The following PGAP6 variants were observed in gnomAD, a reference collection of about 807,000 sequenced individuals.
PGAP6 encodes the protein post-GPI attachment to proteins 6, also known as post-GPI attachment to proteins factor 6.
Under a neutral mutation model 68.4 loss-of-function variants are expected in PGAP6, and 62 were observed. The observed-to-expected ratio is 0.91, with a 90% confidence interval of 0.74 to 1.12. The LOEUF (loss-of-function observed/expected upper bound fraction) is 1.12, where lower values mean the gene tolerates loss of function less well. Ranked by LOEUF, PGAP6 falls within the 50% of genes most tolerant of loss-of-function variation. PGAP6 has a pLI of 0.00. For synonymous variants in PGAP6, 575 were observed against 474.0 expected (o/e 1.21, Z -2.77); for missense variants, 1,188 against 1,068.5 (o/e 1.11, Z -1.56).
chr16:385,651 A>G (rs566581546), upstream of PGAP6, among the ~76,000 whole-genome samples: 705 of 77,406 alleles, frequency 9.1e-3, 38 homozygotes, highest in African/African-American at 0.034. Flanking sequence ...TTGAGATGGA[A>G]TCTCGCTCTG....
At chr16:379,543 ACGGTGTCC>A (rs1381278783) in intron 1 of PGAP6, among the ~76,000 whole-genome samples, 3 of 152,228 alleles carry the variant, frequency 2.0e-5, no homozygotes, top group Non-Finnish European at 4.4e-5. Context: ...CCCCAGGACC[ACGGTGTCC>A]CGGAGAAAGC....
rs549388172 is a variant in PGAP6, at chr16:377,373, C to A, written c.507+5G>T. 3 of 1,583,942 alleles carry A rather than the reference C, an allele frequency of 1.9e-6. No individual in the cohort carries two copies. The highest frequency in any genetic ancestry group is 2.7e-5 in the African/African-American group (2 of 74,460). Reference sequence around the variant, plus strand: ...GCCTCCATCCCGGAGGGCAGCCCCCCTCACCTTCAACTCGATCTTCTGGGA... The same window carrying A: ...GCCTCCATCCCGGAGGGCAGCCCCCATCACCTTCAACTCGATCTTCTGGGA... On this transcript the variant is annotated splice_donor_5th_base_variant and intron_variant, in intron 3 of 12. Coordinates refer to ENST00000431232, the MANE Select transcript of PGAP6 (RefSeq NM_021259.3).
rs750242291 is a variant in PGAP6, at chr16:372,627, A to C, written c.2003T>G (p.Ile668Ser). 101 of 1,611,762 alleles carry C rather than the reference A, an allele frequency of 6.3e-5. No homozygotes were observed. The highest frequency in any genetic ancestry group is 5.9e-6 in the Non-Finnish European group (7 of 1,179,644). ...MLGPCLFAFVIMASMWAYRCG... is the reference protein window; with the variant it reads ...MLGPCLFAFVSMASMWAYRCG... ...GCTCCTTACCCACATGGAGGCCATG[A>C]TCACGAAGGCAAAGAGGCAGGGCCC... Residue 668 changes from isoleucine to serine, a missense_variant, in exon 12 of 13, where the codon ATC becomes AGC. Transcript: ENST00000431232.
intron 11 of PGAP6, among the ~76,000 whole-genome samples, chr16:373,578 C>T (rs1164745849): frequency 6.6e-6 from 1 of 152,218 alleles, no homozygotes. Flanking sequence ...TCTTTTGTCA[C>T]CCAGGCTGGA....
Position 376,184 on chromosome 16 carries a change from G to A in PGAP6, c.1176C>T (p.Thr392=), listed in dbSNP as rs57780883. Residue 392 remains threonine (T), a synonymous_variant, in exon 6 of 13, where the codon ACC becomes ACT. Transcript: ENST00000431232. ...TPSVMRLRLN[T]GMDSGGSLTI... is the part of the protein sequence containing the mutation. ...TGAGGGAACCCCCGCTGTCCATGCC[G>A]GTGTTCAGGCGCAGCCGCATCACGG... 0.021 allele frequency: 33,352 copies of A among 1,612,104 alleles called. 888 individuals carry two copies. Among genetic ancestry groups the A allele is most frequent in the African/African-American group, 0.12 (8,805 of 75,040 alleles).
At position 376,323 on chromosome 16, in the gene PGAP6, C is replaced by T. The variant is rs780936624; in HGVS notation, c.1037G>A (p.Arg346His). 5.6e-6 allele frequency: 9 copies of T among 1,612,428 alleles called. No homozygotes were observed. Among genetic ancestry groups the T allele is most frequent in the Non-Finnish European group, 7.6e-6 (9 of 1,179,940 alleles). Reference protein sequence around the residue: ...QDLGRSGRVDRSPFCLTNYPV... With the variant: ...QDLGRSGRVDHSPFCLTNYPV... The stretch of plus-strand genomic sequence containing the variant: ...GTAGTTTGTGAGGCAGAAGGGGCTG[C>T]GGTCCACCCTGCCACTCCTGCCCAG... Residue 346 changes from arginine to histidine, a missense_variant, in exon 6 of 13, where the codon CGC becomes CAC. Physicochemically the swap from Arg to His is conservative, Grantham distance 29. Transcript: ENST00000431232.
chr16:385,347 C>CTG (rs1567328654), upstream of PGAP6, among the ~76,000 whole-genome samples: 1 of 135,958 alleles, frequency 7.4e-6, no homozygotes, highest in Non-Finnish European at 1.5e-5. Flanking sequence ...CGGAGCCTCA[C>CTG]TGTCGCCCAG....
intron 6 of PGAP6, 49 bp downstream of exon 6, chr16:376,087 G>A (rs201070423): frequency 4.6e-5 from 70 of 1,532,062 alleles, no homozygotes; most frequent in East Asian, 4.4e-4. Context: ...GGGGTTGCCC[G>A]GCGCCCTGCC....
intron 11 of PGAP6, among the ~76,000 whole-genome samples, 155 bp downstream of exon 11, chr16:373,850 T>A (rs1322949262): frequency 6.7e-6 from 1 of 149,642 alleles, no homozygotes; most frequent in Non-Finnish European, 1.5e-5. Context: ...GCCTAGGGAT[T>A]ACAGGTGTGA....
At chr16:374,928 G>A in intron 8 of PGAP6, 36 bp from the exon 9 acceptor site, 6 of 1,611,414 alleles carry the variant, frequency 3.7e-6, no homozygotes, top group Non-Finnish European at 5.1e-6. Context: ...CTGGTGCAGT[G>A]ATCTGACAGC....
chr16:382,007 G>T, upstream of PGAP6: 3 of 922,274 alleles, frequency 3.3e-6, no homozygotes, highest in Non-Finnish European at 3.9e-6. Context: ...CCCGCAGGCC[G>T]AGCCGGGAAG....
upstream of PGAP6, among the ~76,000 whole-genome samples, chr16:385,557 C>A (rs1223017772): frequency 1.3e-5 from 2 of 150,274 alleles, 1 homozygote; most frequent in East Asian, 3.9e-4. Flanking sequence ...ATGATCCGCC[C>A]GCCTCGGCCT....
chr16:376,955 G>A, intron 4 of PGAP6, 82 bp downstream of exon 4: 2 of 1,579,892 alleles, frequency 1.3e-6, no homozygotes, highest in South Asian at 1.1e-5. Flanking sequence ...CAGGACTCAG[G>A]GCCAGGCTCT....
Position 376,713 on chromosome 16 carries a change from C to T in PGAP6, c.735G>A (p.Pro245=), listed in dbSNP as rs778017624. The change falls in exon 5 of 13, where the codon CCG becomes CCA. Residue 245 remains proline (P), a synonymous_variant. Transcript: ENST00000431232. The part of the protein sequence containing the change: ...LGCPVRLTVG[P]VTLPSNFQKV... The stretch of plus-strand genomic sequence containing the variant: ...TCTGGAAGTTGCTAGGCAGGGTGAC[C>T]GGGCCCACGGTGAGACGCACGGGGC... 1.6e-5 allele frequency: 26 copies of T among 1,611,452 alleles called. No homozygotes were observed. In the East Asian group the frequency reaches 3.1e-4, roughly 19 times the overall value.
chr16:382,255 G>C (rs2054450725), upstream of PGAP6: 5 of 393,456 alleles, frequency 1.3e-5, no homozygotes, highest in Admixed American at 4.4e-5. Context: ...CCGAGGCGTG[G>C]GCTCCGCGGG....
chr16:380,733 C>CAGAA (rs1292939671), intron 1 of PGAP6, among the ~76,000 whole-genome samples: 1 of 145,830 alleles, frequency 6.9e-6, no homozygotes, highest in African/African-American at 2.5e-5. Context: ...GTGCCAAGCT[C>CAGAA]AGAAAGCAGG....
chr16:382,224 G>A (rs1477100559), upstream of PGAP6: 3 of 393,152 alleles, frequency 7.6e-6, no homozygotes, highest in African/African-American at 4.1e-5. Flanking sequence ...GGGCGCGCTC[G>A]GAACACGCAG....
chr16:384,780 C>T (rs926182492), upstream of PGAP6, among the ~76,000 whole-genome samples: 2 of 151,006 alleles, frequency 1.3e-5, no homozygotes, highest in Non-Finnish European at 2.9e-5. Context: ...GGCGTGAACC[C>T]AGGAGGTGGA....
chr16:376,427 C>A lies in PGAP6; in HGVS notation c.933G>T (p.Gln311His), dbSNP rs201444365. Reference sequence around the variant, plus strand: ...GGTTTTGGCTGCTCTGCAGAAGGGGCTGGATGGTCACGCTCCGTGGCCTGC... The same window carrying A: ...GGTTTTGGCTGCTCTGCAGAAGGGGATGGATGGTCACGCTCCGTGGCCTGC... ...TACRPRSVTI[Q>H]PLLQSSQNQS... Residue 311 changes from glutamine (Q) to histidine (H), a missense_variant, in exon 6 of 13, where the codon CAG (glutamine) becomes CAT (histidine). Physicochemically the swap from Gln to His is conservative, Grantham distance 24 (BLOSUM62 0). Transcript: ENST00000431232. 6.9e-6 allele frequency: 11 copies of A among 1,585,878 alleles called. No homozygotes were observed. In the East Asian group the frequency reaches 2.2e-4, roughly 32 times the overall value.
Sources: gnomAD v4.1 joint callset for allele counts (sites outside exome capture counted in the v4.1 genomes callset) on GRCh38, gnomAD v4.1.1 for gene constraint, MANE v1.5 for transcripts, NCBI Gene and HGNC (gene_info 2026-07-23, HGNC 2026-07-21) for gene names.